Variants in B3GALT5 observed in about 807,000 individuals in gnomAD.
The protein encoded by B3GALT5 is UDP-Gal:betaGlcNAc beta 1,3-galactosyltransferase, polypeptide 5.
For synonymous variants in B3GALT5, 156 were observed against 158.6 expected (o/e 0.98, Z 0.12); for missense variants, 328 against 396.6 (o/e 0.83, Z 1.47).
intron 1 of B3GALT5, among the ~76,000 whole-genome samples, chr21:39,638,373 A>G (rs1433595811): frequency 6.6e-6 from 1 of 152,168 alleles, no homozygotes; most frequent in Non-Finnish European, 1.5e-5. Flanking sequence ...AAAAGCACAG[A>G]CAGGCACTGA....
intron 2 of B3GALT5, among the ~76,000 whole-genome samples, chr21:39,659,071 T>C (rs902695778): frequency 1.3e-5 from 2 of 152,018 alleles, no homozygotes; most frequent in Admixed American, 6.5e-5. Flanking sequence ...TGAAACCCCA[T>C]CTCTACAAAA....
rs540288037 is a variant in B3GALT5 at position 39,627,570 on chromosome 21, CT to C, written c.-392+14513del. Among the ~76,000 whole-genome samples the C allele has an allele frequency of 9.0e-3, 1,347 of 149,814 alleles. 13 individuals are homozygous for C. Among genetic ancestry groups the C allele is most frequent in the African/African-American group, 0.029 (1,198 of 40,888 alleles). ...CCTTTCACCTCCATTTCCCCCCAAC[CT>C]TTTTTTTTTCTAAATTCTGTTCTTT... On this transcript the variant is annotated intron_variant, in intron 1 of 3. Coordinates refer to ENST00000684187, the MANE Select transcript of B3GALT5 (RefSeq NM_001356336.2).
At chr21:39,628,376 A>C (rs888285786) in intron 1 of B3GALT5, among the ~76,000 whole-genome samples, 1 of 152,108 alleles carries the variant, frequency 6.6e-6, no homozygotes, top group Non-Finnish European at 1.5e-5. Context: ...CGTGTATTGT[A>C]CCCGTTAAGT....
intron 2 of B3GALT5, among the ~76,000 whole-genome samples, chr21:39,651,545 A>C (rs12483482): frequency 0.11 from 17,352 of 152,302 alleles, 1,200 homozygotes; most frequent in Admixed American, 0.16. Context: ...GGATCCCCCA[A>C]TGACCTCACT....
chr21:39,647,509 T>G (rs539900754), intron 2 of B3GALT5, among the ~76,000 whole-genome samples: 15 of 151,236 alleles, frequency 9.9e-5, no homozygotes, highest in African/African-American at 3.7e-4. Context: ...CGGGGAATTT[T>G]TGTATTTTTT....
At chr21:39,659,362 T>C (rs946679817) in intron 2 of B3GALT5, among the ~76,000 whole-genome samples, 2 of 152,224 alleles carry the variant, frequency 1.3e-5, no homozygotes, top group Non-Finnish European at 2.9e-5. Context: ...AGTGCCGCTA[T>C]TGTGTTAAGA....
At chr21:39,635,917 T>C (rs2079224107) in intron 1 of B3GALT5, among the ~76,000 whole-genome samples, 1 of 152,220 alleles carries the variant, frequency 6.6e-6, no homozygotes, top group South Asian at 2.1e-4. Context: ...CTGCATAGCT[T>C]TTTTATTCCC....
At chr21:39,618,120 A>C (rs2079116416) in intron 1 of B3GALT5, among the ~76,000 whole-genome samples, 1 of 152,132 alleles carries the variant, frequency 6.6e-6, no homozygotes, top group South Asian at 2.1e-4. Flanking sequence ...AATCCAATGC[A>C]CTCTAGCATG....
chr21:39,656,215 G>A (rs980331520), intron 2 of B3GALT5, among the ~76,000 whole-genome samples: 2 of 152,196 alleles, frequency 1.3e-5, no homozygotes, highest in Non-Finnish European at 2.9e-5. Flanking sequence ...CAGCAGGGAC[G>A]TTGATGTTGT....
chr21:39,637,617 C>T (rs1484079568), intron 1 of B3GALT5, among the ~76,000 whole-genome samples: 1 of 152,240 alleles, frequency 6.6e-6, no homozygotes, highest in Admixed American at 6.5e-5. Context: ...CTGGGAACAC[C>T]TAGCAGGACT....
At position 39,663,173 on chromosome 21, in the gene B3GALT5, T is replaced by C. The variant is rs1467850545; in HGVS notation, c.*1681T>C. The C allele has an allele frequency of 6.6e-6, 1 of 152,470 alleles. No homozygotes were observed. The highest frequency in any genetic ancestry group is 1.9e-4 in the East Asian group (1 of 5,184). 9.4% of individuals were successfully genotyped at this position (152,470 alleles called of 1,614,324 possible). A position where few individuals can be genotyped will look rare whatever the true frequency, so the allele number is the denominator to read the frequency against. ...GATGGGCCGCCTCTCATTCTGAAGA[T>C]GACTGTGCTTTGAGGGAGAAGTCGT... is the stretch of plus-strand genomic sequence containing the variant. On this transcript the variant is annotated 3_prime_UTR_variant, in exon 4 of 4. Coordinates refer to ENST00000684187, the MANE Select transcript of B3GALT5 (RefSeq NM_001356336.2).
rs1397206839 is a variant in B3GALT5 at position 39,661,563 on chromosome 21, GA to G, written c.*72del. On this transcript the variant is annotated 3_prime_UTR_variant, in exon 4 of 4. Coordinates refer to ENST00000684187, the MANE Select transcript of B3GALT5 (RefSeq NM_001356336.2). This position sits in a 1 kb window ranked among gnomAD's most constrained non-coding sequence, Gnocchi z 4.7. ...GGATAGTTTTTGCTAGATTTTGGAA[GA>G]GGGGGCGGGACAGAGGATGCTGTTC... 3 of 1,378,668 alleles carry G rather than the reference GA, an allele frequency of 2.2e-6. No homozygotes were observed. The highest frequency in any genetic ancestry group is 5.6e-5 in the Admixed American group (2 of 35,646). 85.4% of individuals were successfully genotyped at this position (1,378,668 alleles called of 1,614,324 possible).
chr21:39,629,044 C>T (rs146175705), intron 1 of B3GALT5, among the ~76,000 whole-genome samples: 2,292 of 152,086 alleles, frequency 0.015, 24 homozygotes, highest in Middle Eastern at 0.027. Flanking sequence ...TGGAGTCTCG[C>T]TCTGTCGCCC....
In B3GALT5 at chr21:39,661,466, C is replaced by T. The variant is rs774654350; in HGVS notation, c.907C>T (p.Arg303Trp). 69 of 1,508,896 alleles carry T rather than the reference C, an allele frequency of 4.6e-5. No homozygotes were observed. The highest frequency in any genetic ancestry group is 5.5e-5 in the South Asian group (4 of 72,620). 93.5% of individuals were successfully genotyped at this position (1,508,896 alleles called of 1,614,324 possible). A position where few individuals can be genotyped will look rare whatever the true frequency, so the allele number is the denominator to read the frequency against. ...CTACTGGCAGGCTCTAGAGAATTCC[C>T]GGGGGGAAGATTGTCCGCCTGTCTG... ...LDYWQALENS[R>W]GEDCPPV is the part of the protein sequence containing the mutation. Residue 303 changes from arginine (R) to tryptophan (W), a missense_variant, in exon 4 of 4, where the codon CGG becomes TGG. Transcript: ENST00000684187. This position sits in a 1 kb window ranked among gnomAD's most constrained non-coding sequence, Gnocchi z 4.7.
chr21:39,639,453 T>TTTCTTTC (rs1491203117), intron 1 of B3GALT5, among the ~76,000 whole-genome samples: 5 of 132,868 alleles, frequency 3.8e-5, no homozygotes, highest in African/African-American at 1.6e-4. Flanking sequence ...TCTTTCTTTC[T>TTTCTTTC]TTTTTTCTTT....
chr21:39,649,243 C>T (rs1455710974), intron 2 of B3GALT5, among the ~76,000 whole-genome samples: 2 of 152,162 alleles, frequency 1.3e-5, no homozygotes, highest in Non-Finnish European at 1.5e-5. Flanking sequence ...GGACCATGGG[C>T]CCCCTGATGT....
At position 39,672,699 on chromosome 21, in the gene B3GALT5, T is replaced by C. The variant is rs759338962; in HGVS notation, c.*11207T>C. 21 of 152,254 alleles carry C rather than the reference T, an allele frequency of 1.4e-4. No homozygotes were observed. The highest frequency in any genetic ancestry group is 2.9e-5 in the Non-Finnish European group (2 of 68,044). The allele number at this position is 152,254 out of a possible 1,614,324, so 9.4% of individuals were successfully genotyped here. ...ATCGGACAATCCTTTTGTTTTTACATTGATGTTTTCTATATTTATTTTGTA... is the reference window on the plus strand; with the variant it reads ...ATCGGACAATCCTTTTGTTTTTACACTGATGTTTTCTATATTTATTTTGTA... On this transcript the variant is annotated 3_prime_UTR_variant, in exon 4 of 4. Transcript: ENST00000684187.
At chr21:39,651,942 T>G (rs1011744003) in intron 2 of B3GALT5, among the ~76,000 whole-genome samples, 3 of 152,232 alleles carry the variant, frequency 2.0e-5, no homozygotes, top group Admixed American at 6.5e-5. Context: ...AAAACGTTAT[T>G]CAGAGGAGTT....
intron 3 of B3GALT5, among the ~76,000 whole-genome samples, chr21:39,660,296 G>A (rs1020781301): frequency 6.6e-6 from 1 of 152,238 alleles, no homozygotes; most frequent in Non-Finnish European, 1.5e-5. Context: ...GGCAATTGGA[G>A]ACTCCCGTAG....
Sources: allele counts gnomAD v4.1 joint callset (sites outside exome capture counted in the v4.1 genomes callset), GRCh38; gene constraint gnomAD v4.1.1; non-coding constraint Gnocchi (gnomAD v3.1); transcripts MANE v1.5; gene names NCBI Gene and HGNC (gene_info 2026-07-23, HGNC 2026-07-21).